RGS17: variants seen among roughly 807,000 people sequenced by gnomAD.
RGS17 encodes regulator of G protein signaling 17, also known as regulator of G-protein signaling 17.
A neutral mutation model predicts 25.5 loss-of-function variants in RGS17; 12 were observed. The observed-to-expected ratio is 0.47, with a 90% CI of 0.30 to 0.76. The LOEUF (loss-of-function observed/expected upper bound fraction) is 0.76. RGS17 is among the 30% of genes least tolerant of loss of function. The probability of loss-of-function intolerance (pLI) is 0.07; values close to 1 mark genes in which losing one functional copy is unlikely to be tolerated. For synonymous variants in RGS17, 71 were observed against 76.9 expected, an observed-to-expected ratio of 0.92 and a Z score of 0.40; for missense variants, 196 against 242.2, an observed-to-expected ratio of 0.81 and a Z score of 1.27.
At chr6:153,044,073 T>C in intron 1 of RGS17, 30 bp from the exon 2 acceptor site, 3 of 1,078,520 alleles carry the variant, frequency 2.8e-6, no homozygotes, top group South Asian at 2.6e-5. Flanking sequence ...AAATTGGGTA[T>C]GAAAAAAGCA....
At chr6:153,102,525 G>C (rs1396515339) in intron 1 of RGS17, among the ~76,000 whole-genome samples, 1 of 152,080 alleles carries the variant, frequency 6.6e-6, no homozygotes, top group Admixed American at 6.6e-5. Flanking sequence ...CGTGTTGAGG[G>C]AGGGACCTGG....
At chr6:153,026,418 T>C (rs920765788) in intron 3 of RGS17, 36 bp downstream of exon 3, 3 of 1,480,812 alleles carry the variant, frequency 2.0e-6, no homozygotes, top group Non-Finnish European at 1.9e-6. Context: ...GGCATATAAA[T>C]GCAAGAAACA....
chr6:153,119,519 G>C (rs1334996768), intron 1 of RGS17, among the ~76,000 whole-genome samples: 1 of 152,094 alleles, frequency 6.6e-6, no homozygotes, highest in African/African-American at 2.4e-5. Flanking sequence ...GTGAAACCCT[G>C]TCTCTACTAA....
At chr6:153,085,620 T>G (rs930777874) in intron 1 of RGS17, among the ~76,000 whole-genome samples, 1 of 152,156 alleles carries the variant, frequency 6.6e-6, no homozygotes, top group Non-Finnish European at 1.5e-5. Flanking sequence ...CATACCAGGA[T>G]TAGTCCCAAG....
Position 153,024,518 on chromosome 6 carries a change from G to C in RGS17, c.210-22C>G, listed in dbSNP as rs773757477. On this transcript the variant is annotated intron_variant, in intron 3 of 4. Transcript: ENST00000206262. ...TTGGCTGCAGAGACAGAACGGGGCC[G>C]TGATCAAAGGGAACTTTGTGACCAG... 5 of 1,542,404 alleles carry C rather than the reference G, an allele frequency of 3.2e-6. No homozygotes were observed. The South Asian group carries it at 5.6e-5, about 17-fold the overall frequency.
intron 1 of RGS17, among the ~76,000 whole-genome samples, chr6:153,119,380 G>C (rs9384082): frequency 2.6e-5 from 4 of 152,012 alleles, no homozygotes; most frequent in African/African-American, 9.6e-5. Context: ...TACCTAACCA[G>C]CTGGCTATGA....
At chr6:153,090,825 C>G (rs565918800) in intron 1 of RGS17, among the ~76,000 whole-genome samples, 1 of 148,578 alleles carries the variant, frequency 6.7e-6, no homozygotes, top group Admixed American at 6.7e-5. Flanking sequence ...AAACACAGCA[C>G]ATACAGGGTT....
chr6:153,128,077 C>T (rs6940207), intron 1 of RGS17, among the ~76,000 whole-genome samples: 3,160 of 152,200 alleles, frequency 0.021, 111 homozygotes, highest in African/African-American at 0.069. Flanking sequence ...CAATCTCACA[C>T]TGAAAGTCTT....
At chr6:153,083,924 A>T (rs531126880) in intron 1 of RGS17, among the ~76,000 whole-genome samples, 2 of 152,232 alleles carry the variant, frequency 1.3e-5, no homozygotes, top group Non-Finnish European at 2.9e-5. Context: ...ATATGCATAA[A>T]TATTAAAAAT....
At chr6:153,016,174 CAT>C (rs909917822) in intron 4 of RGS17, among the ~76,000 whole-genome samples, 3 of 152,206 alleles carry the variant, frequency 2.0e-5, no homozygotes, top group African/African-American at 7.2e-5. Flanking sequence ...GTTATTACCA[CAT>C]GAGGTCACTA....
chr6:153,053,919 ATATATG>A (rs1776497392), intron 1 of RGS17, among the ~76,000 whole-genome samples: 1 of 66,076 alleles, frequency 1.5e-5, no homozygotes, highest in Non-Finnish European at 2.5e-5. Flanking sequence ...CACATTATAT[ATATATG>A]TATATATATG....
intron 1 of RGS17, among the ~76,000 whole-genome samples, chr6:153,116,459 T>C (rs1777548791): frequency 1.3e-5 from 2 of 152,182 alleles, no homozygotes; most frequent in Admixed American, 1.3e-4. Context: ...ATAGGAACGC[T>C]TTTACACTGT....
intron 1 of RGS17, among the ~76,000 whole-genome samples, chr6:153,094,749 CTCTT>C (rs1299998208): frequency 3.3e-5 from 5 of 152,154 alleles, no homozygotes; most frequent in East Asian, 1.9e-4. Flanking sequence ...TTTTTTGGCT[CTCTT>C]TCTTTCTTTT....
chr6:153,101,580 G>A (rs1376191974), intron 1 of RGS17, among the ~76,000 whole-genome samples: 1 of 152,164 alleles, frequency 6.6e-6, no homozygotes, highest in Non-Finnish European at 1.5e-5. Flanking sequence ...ATATGCTACT[G>A]TTGGTGACTA....
intron 1 of RGS17, among the ~76,000 whole-genome samples, chr6:153,102,581 C>T (rs1777321316): frequency 6.6e-6 from 1 of 152,126 alleles, no homozygotes; most frequent in Non-Finnish European, 1.5e-5. Context: ...ATGCCGTTCT[C>T]ATGATAGTGA....
intron 4 of RGS17, among the ~76,000 whole-genome samples, chr6:153,019,789 A>G: frequency 6.6e-6 from 1 of 152,064 alleles, no homozygotes; most frequent in East Asian, 1.9e-4. Context: ...AGCCAATTAA[A>G]CCACTTTTCT....
chr6:153,044,259 A>G (rs17320111), intron 1 of RGS17, among the ~76,000 whole-genome samples: 4,677 of 152,328 alleles, frequency 0.031, 110 homozygotes, highest in Non-Finnish European at 0.05. Flanking sequence ...TATCTGCTGC[A>G]TAAAATTATA....
intron 4 of RGS17, among the ~76,000 whole-genome samples, chr6:153,013,949 G>T (rs1276439682): frequency 6.6e-6 from 1 of 152,216 alleles, no homozygotes. Context: ...AGAAACTGCA[G>T]TAATTTATTC....
At chr6:153,085,293 T>G (rs1467053989) in intron 1 of RGS17, among the ~76,000 whole-genome samples, 4 of 152,192 alleles carry the variant, frequency 2.6e-5, no homozygotes, top group Non-Finnish European at 5.9e-5. Context: ...TTATAGCTCT[T>G]CGAGGGACTT....
Sources: gnomAD v4.1 joint callset for allele counts (sites outside exome capture counted in the v4.1 genomes callset) on GRCh38, gnomAD v4.1.1 for gene constraint, MANE v1.5 for transcripts, NCBI Gene and HGNC (gene_info 2026-07-23, HGNC 2026-07-21) for gene names.